The following EPHB1 variants were observed in gnomAD, a reference collection of about 807,000 sequenced individuals.
The protein encoded by EPHB1 is ephrin type-B receptor 1.
EPHB1 carries 30 observed loss-of-function variants against 94.4 expected under a neutral mutation model. The observed-to-expected ratio is 0.32, with a 90% confidence interval of 0.24 to 0.43. The LOEUF is 0.43. Among genes scored for constraint, EPHB1 ranks in the 20% least tolerant of loss-of-function variants. The pLI is 1.00. For missense variants in EPHB1, 1,055 were observed against 1,308.3 expected (o/e 0.81, Z 2.99); for synonymous variants, 522 against 489.1 (o/e 1.07, Z -0.89).
intron 4 of EPHB1, among the ~76,000 whole-genome samples, chr3:135,132,368 A>G (rs957178081): frequency 6.6e-6 from 1 of 152,268 alleles, no homozygotes; most frequent in East Asian, 1.9e-4. Context: ...TAAATGTTCA[A>G]TATATATACA....
In EPHB1 at chr3:135,159,688, G is replaced by C. The variant is rs72979538; in HGVS notation, c.1423-2330G>C. On this transcript the variant is annotated intron_variant, in intron 6 of 15. Coordinates refer to ENST00000398015, the MANE Select transcript of EPHB1 (RefSeq NM_004441.5). ...AAATAGATCAAATAGTGGGTGGGCA[G>C]CTCCTCTGCAGGCAATCTCTCCCAG... 3.1e-3 allele frequency among the ~76,000 whole-genome samples: 465 copies of C among 152,318 alleles called. 4 individuals are homozygous for C. Among genetic ancestry groups the C allele is most frequent in the African/African-American group, 0.011 (444 of 41,572 alleles).
intron 1 of EPHB1, among the ~76,000 whole-genome samples, chr3:134,847,175 G>A (rs1298213554): frequency 2.7e-5 from 4 of 149,032 alleles, no homozygotes; most frequent in South Asian, 4.2e-4. Flanking sequence ...ACACATCATG[G>A]AAAAAAAAAA....
chr3:135,192,807 T>C lies in EPHB1; in HGVS notation c.2114T>C (p.Leu705Ser). The change falls in exon 11 of 16, where the codon TTG becomes TCG. Residue 705 changes from leucine (L) to serine (S), a missense_variant. Physicochemically the swap from Leu to Ser is moderately radical, Grantham distance 145 (BLOSUM62 -2). Transcript: ENST00000398015. ...IITEFMENGA[L>S]DSFLRQNDGQ... ...ACAGAGTTCATGGAGAATGGTGCAT[T>C]GGATTCTTTCCTCAGGGTAAGAGCA... is the stretch of plus-strand genomic sequence containing the variant. The C allele has an allele frequency of 6.2e-7, 1 of 1,613,906 alleles. No homozygotes were observed. Among genetic ancestry groups the C allele is most frequent in the Non-Finnish European group, 8.5e-7 (1 of 1,179,852 alleles).
At chr3:135,126,568 C>T (rs1940216898) in intron 4 of EPHB1, among the ~76,000 whole-genome samples, 1 of 152,276 alleles carries the variant, frequency 6.6e-6, no homozygotes, top group South Asian at 2.1e-4. Flanking sequence ...GAGACACAGC[C>T]CCATGCTCAA....
chr3:134,951,343 G>A lies in EPHB1; in HGVS notation c.124-28G>A. On this transcript the variant is annotated intron_variant, in intron 2 of 15. Coordinates refer to ENST00000398015, the MANE Select transcript of EPHB1 (RefSeq NM_004441.5). This position sits in a 1 kb window ranked among gnomAD's most constrained non-coding sequence, Gnocchi z 4.5. The stretch of plus-strand genomic sequence containing the variant: ...CACTCTCTATTTTGTGTTTTTGCAT[G>A]TGTGTGCCTGTGGCCTGCTATGTAC... The A allele has an allele frequency of 1.3e-6, 2 of 1,513,278 alleles. No homozygotes were observed. Among genetic ancestry groups the A allele is most frequent in the Non-Finnish European group, 1.8e-6 (2 of 1,129,944 alleles). The allele number at this position is 1,513,278 out of a possible 1,614,324, so 93.7% of individuals were successfully genotyped here.
intron 3 of EPHB1, among the ~76,000 whole-genome samples, chr3:135,047,552 C>T (rs1937037140): frequency 6.6e-6 from 1 of 152,218 alleles, no homozygotes; most frequent in East Asian, 1.9e-4. Flanking sequence ...CTATTAACTG[C>T]TTCCCTGCCT....
chr3:135,120,956 G>A (rs896159424), intron 4 of EPHB1, among the ~76,000 whole-genome samples: 1 of 152,184 alleles, frequency 6.6e-6, no homozygotes, highest in Admixed American at 6.5e-5. Context: ...CAGGAATGGT[G>A]GAGAGATAGG....
At chr3:134,857,566 G>A (rs781671533) in intron 1 of EPHB1, among the ~76,000 whole-genome samples, 2 of 152,260 alleles carry the variant, frequency 1.3e-5, no homozygotes, top group South Asian at 2.1e-4. Context: ...GGTAAAGGAA[G>A]TTGGGCCTGG....
At chr3:134,855,009 GCACAACA>G (rs1270000897) in intron 1 of EPHB1, among the ~76,000 whole-genome samples, 1 of 152,138 alleles carries the variant, frequency 6.6e-6, no homozygotes, top group Non-Finnish European at 1.5e-5. Context: ...ATACATGAGT[GCACAACA>G]CACATATGTG....
At chr3:135,233,782 A>G (rs1328001830) in intron 12 of EPHB1, among the ~76,000 whole-genome samples, 1 of 152,186 alleles carries the variant, frequency 6.6e-6, no homozygotes, top group African/African-American at 2.4e-5. Context: ...CCAAACCTCA[A>G]TTCTTGTCTT....
At position 135,201,463 on chromosome 3, in the gene EPHB1, T is replaced by C. The variant is rs1250330036; in HGVS notation, c.2131-11T>C. The C allele has an allele frequency of 6.2e-7, 1 of 1,613,846 alleles. No individual in the cohort carries two copies. Among genetic ancestry groups the C allele is most frequent in the Non-Finnish European group, 8.5e-7 (1 of 1,179,932 alleles). On this transcript the variant is annotated splice_polypyrimidine_tract_variant and intron_variant, in intron 11 of 15. Coordinates refer to ENST00000398015, the MANE Select transcript of EPHB1 (RefSeq NM_004441.5). ...CGTCTTGATCCCAATGCCCTCTATG[T>C]CTTATTACAGCAAAATGACGGGCAG...
chr3:135,100,488 T>G (rs1938996918), intron 3 of EPHB1, among the ~76,000 whole-genome samples: 1 of 152,338 alleles, frequency 6.6e-6, no homozygotes, highest in Non-Finnish European at 1.5e-5. Flanking sequence ...AAGTGGTTAT[T>G]CCCTCTTGCT....
intron 1 of EPHB1, among the ~76,000 whole-genome samples, chr3:134,887,141 G>A (rs2037877733): frequency 6.6e-6 from 1 of 152,156 alleles, no homozygotes; most frequent in African/African-American, 2.4e-5. Context: ...GCCCACTCCT[G>A]TAGCTGCATT....
chr3:135,161,152 G>T (rs966875293), intron 6 of EPHB1, among the ~76,000 whole-genome samples: 8 of 152,132 alleles, frequency 5.3e-5, no homozygotes, highest in Admixed American at 6.5e-5. Flanking sequence ...CCTTTTAAGG[G>T]CACTCACGAT....
chr3:134,977,629 T>A (rs1415464952), intron 3 of EPHB1, among the ~76,000 whole-genome samples: 1 of 152,108 alleles, frequency 6.6e-6, no homozygotes, highest in Admixed American at 6.5e-5. Context: ...GTGAAGTACC[T>A]GCTTTGGTTT....
intron 3 of EPHB1, among the ~76,000 whole-genome samples, chr3:135,010,840 G>A (rs1187227673): frequency 1.3e-5 from 2 of 151,958 alleles, no homozygotes; most frequent in Non-Finnish European, 2.9e-5. Context: ...GGGATTACAG[G>A]AGTGAGCCAC....
intron 9 of EPHB1, 86 bp from the exon 10 acceptor site, chr3:135,179,774 T>A: frequency 6.6e-7 from 1 of 1,523,994 alleles, no homozygotes; most frequent in East Asian, 2.3e-5. Context: ...CTCCCAGGAA[T>A]GCCCTTAGTG....
intron 3 of EPHB1, among the ~76,000 whole-genome samples, chr3:135,002,651 A>G (rs1935227013): frequency 6.6e-6 from 1 of 152,112 alleles, no homozygotes. Context: ...TTATTGGTCT[A>G]TTCAGAGATT....
chr3:135,061,134 A>G (rs1937488971), intron 3 of EPHB1, among the ~76,000 whole-genome samples: 1 of 152,196 alleles, frequency 6.6e-6, no homozygotes, highest in African/African-American at 2.4e-5. Flanking sequence ...CTCATTTAAA[A>G]AAAAATTTCC....
Sources: gnomAD v4.1 joint callset for allele counts (sites outside exome capture counted in the v4.1 genomes callset) on GRCh38, gnomAD v4.1.1 for gene constraint, Gnocchi (gnomAD v3.1) non-coding constraint, MANE v1.5 for transcripts, NCBI Gene and HGNC (gene_info 2026-07-23, HGNC 2026-07-21) for gene names.